The following PTPRO variants were observed in gnomAD, a reference collection of about 807,000 sequenced individuals.
PTPRO encodes the protein protein tyrosine phosphatase receptor type O.
A neutral mutation model predicts 145.2 loss-of-function variants in PTPRO; 62 were observed. That is an observed-to-expected ratio of 0.43 (90% CI 0.35 to 0.53). The LOEUF (loss-of-function observed/expected upper bound fraction) is 0.53, where lower values mean the gene tolerates loss of function less well. Ranked by LOEUF, PTPRO falls within the 20% of genes least tolerant of loss-of-function variation. PTPRO has a pLI of 0.01. For synonymous variants in PTPRO, 565 were observed against 514.7 expected (o/e 1.10, Z -1.32); for missense variants, 1,345 against 1,482.7 (o/e 0.91, Z 1.53).
At chr12:15,390,409 C>T (rs573858758) in intron 1 of PTPRO, among the ~76,000 whole-genome samples, 2 of 152,188 alleles carry the variant, frequency 1.3e-5, no homozygotes, top group South Asian at 2.1e-4. Flanking sequence ...TCTCAAATGG[C>T]GGCAGAGAAG....
chr12:15,404,495 A>C (rs969093759), intron 1 of PTPRO, among the ~76,000 whole-genome samples: 3 of 152,144 alleles, frequency 2.0e-5, no homozygotes, highest in Non-Finnish European at 4.4e-5. Flanking sequence ...GTATAATCAG[A>C]GGAATAATAT....
chr12:15,353,341 T>C (rs1488304227), intron 1 of PTPRO, among the ~76,000 whole-genome samples: 1 of 151,994 alleles, frequency 6.6e-6, no homozygotes, highest in Non-Finnish European at 1.5e-5. Context: ...ACACTTATTA[T>C]AAATTATGAT....
chr12:15,497,336 T>C lies in PTPRO; in HGVS notation c.441T>C (p.Tyr147=), dbSNP rs1429715660. ...VLFEIHYPEK[Y]NVFTRVNISY... ...TTGAAATACATTATCCAGAAAAATA[T>C]AACGTTTTCACAAGAGTGAACATTA... is the stretch of plus-strand genomic sequence containing the variant. Residue 147 remains tyrosine (Y), a synonymous_variant, in exon 3 of 27, where the codon TAT becomes TAC. Transcript: ENST00000281171. 20 of 1,610,878 alleles carry C rather than the reference T, an allele frequency of 1.2e-5. No homozygotes were observed. Among genetic ancestry groups the C allele is most frequent in the East Asian group, 2.2e-5 (1 of 44,816 alleles).
chr12:15,500,837 G>T (rs1426366590), intron 4 of PTPRO, among the ~76,000 whole-genome samples: 13 of 152,188 alleles, frequency 8.5e-5, no homozygotes, highest in Admixed American at 8.5e-4. Flanking sequence ...CAGGAGAACT[G>T]CTTGAACCCA....
intron 1 of PTPRO, among the ~76,000 whole-genome samples, chr12:15,471,595 G>A (rs977713475): frequency 6.6e-6 from 1 of 152,172 alleles, no homozygotes; most frequent in African/African-American, 2.4e-5. Context: ...GATGCTCTTT[G>A]TTATGTCATC....
chr12:15,572,445 T>C (rs770824024), intron 19 of PTPRO, among the ~76,000 whole-genome samples: 1 of 152,238 alleles, frequency 6.6e-6, no homozygotes, highest in African/African-American at 2.4e-5. Context: ...AAGAAATTGC[T>C]TTCTCATCTG....
At chr12:15,546,228 T>C in intron 12 of PTPRO, 1 of 749,306 alleles carries the variant, frequency 1.3e-6, no homozygotes, top group Non-Finnish European at 1.7e-6. Flanking sequence ...AGATTTTTGT[T>C]TCTCATCCAG....
intron 1 of PTPRO, among the ~76,000 whole-genome samples, chr12:15,330,820 G>A (rs989693560): frequency 3.3e-5 from 5 of 152,112 alleles, no homozygotes; most frequent in African/African-American, 1.2e-4. Flanking sequence ...CATTATTTCT[G>A]CTCCAAACCT....
Position 15,581,778 on chromosome 12 carries a change from T to G in PTPRO, c.3232T>G (p.Cys1078Gly). The G allele has an allele frequency of 6.2e-7, 1 of 1,613,972 alleles. No homozygotes were observed. Among genetic ancestry groups the G allele is most frequent in the Non-Finnish European group, 8.5e-7 (1 of 1,179,916 alleles). ...AGAGGAAGAGCAGGACGACTGGGCC[T>G]GTAGACACTTCCGGATCAACTATGT... ...ISEEEQDDWA[C>G]RHFRINYADE... Residue 1078 changes from cysteine (C) to glycine (G), a missense_variant, in exon 23 of 27, where the codon TGT (cysteine) becomes GGT (glycine). Physicochemically the swap from Cys to Gly is radical, Grantham distance 159. Around this residue, in one of 3 missense-constraint regions of PTPRO, gnomAD observed 208 missense variants for 242.8 expected, o/e 0.86. Transcript: ENST00000281171.
chr12:15,336,654 G>A (rs1365229668), intron 1 of PTPRO, among the ~76,000 whole-genome samples: 1 of 152,168 alleles, frequency 6.6e-6, no homozygotes, highest in Admixed American at 6.5e-5. Context: ...AATTCTGGCT[G>A]TATTCTTTAC....
intron 1 of PTPRO, among the ~76,000 whole-genome samples, chr12:15,408,144 T>C (rs1939697854): frequency 6.6e-6 from 1 of 152,150 alleles, no homozygotes; most frequent in South Asian, 2.1e-4. Flanking sequence ...CCTGGATGCT[T>C]CTCTGTGGGG....
intron 7 of PTPRO, among the ~76,000 whole-genome samples, chr12:15,510,076 G>T (rs568091958): frequency 2.0e-5 from 3 of 152,306 alleles, no homozygotes; most frequent in African/African-American, 7.2e-5. Flanking sequence ...TGTGGAGTAC[G>T]TTGGAAATGT....
intron 1 of PTPRO, among the ~76,000 whole-genome samples, chr12:15,400,407 T>C (rs1039262783): frequency 2.0e-5 from 3 of 152,204 alleles, no homozygotes; most frequent in Non-Finnish European, 4.4e-5. Context: ...TATTGTTCCC[T>C]GCCTTTAGTC....
chr12:15,511,124 A>T (rs914986181), intron 7 of PTPRO, among the ~76,000 whole-genome samples: 1 of 152,076 alleles, frequency 6.6e-6, no homozygotes, highest in African/African-American at 2.4e-5. Flanking sequence ...ATTTGGAGGG[A>T]CATTGGACTC....
chr12:15,415,547 G>A (rs900933669), intron 1 of PTPRO, among the ~76,000 whole-genome samples: 1 of 151,174 alleles, frequency 6.6e-6, no homozygotes, highest in Non-Finnish European at 1.5e-5. Flanking sequence ...ACCACACCCG[G>A]CTAATTTTTT....
chr12:15,369,631 C>G (rs1195580699), intron 1 of PTPRO, among the ~76,000 whole-genome samples: 1 of 152,134 alleles, frequency 6.6e-6, no homozygotes. Flanking sequence ...CTCATATGCT[C>G]AAGCTTTTTA....
At chr12:15,352,649 CAAAA>C (rs71042243) in intron 1 of PTPRO, among the ~76,000 whole-genome samples, 2 of 100,356 alleles carry the variant, frequency 2.0e-5, no homozygotes, top group Admixed American at 1.0e-4. Context: ...GACTCTGTCT[CAAAA>C]AAAAAAAAAA....
intron 18 of PTPRO, among the ~76,000 whole-genome samples, chr12:15,568,521 C>T (rs1943960812): frequency 6.6e-6 from 1 of 152,042 alleles, no homozygotes; most frequent in Non-Finnish European, 1.5e-5. Flanking sequence ...AGGGAAGGGT[C>T]AACTATAAAG....
At chr12:15,585,733 T>C (rs1332034472) in intron 23 of PTPRO, among the ~76,000 whole-genome samples, 1 of 152,162 alleles carries the variant, frequency 6.6e-6, no homozygotes, top group Non-Finnish European at 1.5e-5. Flanking sequence ...TTCTAGGCTC[T>C]TCACAAGTTT....
Sources: gnomAD v4.1 joint callset for allele counts (sites outside exome capture counted in the v4.1 genomes callset) on GRCh38, gnomAD v4.1.1 for gene constraint, gnomAD v4.1.1 regional missense constraint, MANE v1.5 for transcripts, NCBI Gene and HGNC (gene_info 2026-07-23, HGNC 2026-07-21) for gene names.